Variants in MAGI3 observed in about 807,000 individuals in gnomAD.
MAGI3 encodes the protein membrane associated guanylate kinase, WW and PDZ domain containing 3.
A neutral mutation model predicts 121.8 loss-of-function variants in MAGI3; 43 were observed. That is an observed-to-expected ratio of 0.35 (90% confidence interval 0.28 to 0.46). MAGI3 has a LOEUF of 0.46. Among genes scored for constraint, MAGI3 ranks in the 20% least tolerant of loss-of-function variants. The pLI is 1.00. For synonymous variants in MAGI3, 553 were observed against 639.3 expected (o/e 0.86, Z 2.04); for missense variants, 1,547 against 1,797.3 (o/e 0.86, Z 2.52).
chr1:113,682,448 T>C, intron 20 of MAGI3: 1 of 1,378,750 alleles, frequency 7.3e-7, no homozygotes. Context: ...AAGAGAATTA[T>C]TACAAATGCC....
intron 1 of MAGI3, among the ~76,000 whole-genome samples, chr1:113,434,449 T>A (rs1261214183): frequency 6.6e-6 from 1 of 152,108 alleles, no homozygotes. Context: ...CTAGTTATAC[T>A]GCTCTATTTT....
At position 113,684,254 on chromosome 1, in the gene MAGI3, G is replaced by A. The variant is rs530832778; in HGVS notation, c.*240G>A. 4.0e-4 allele frequency: 144 copies of A among 358,670 alleles called. No individual in the cohort carries two copies. The highest frequency in any genetic ancestry group is 2.7e-3 in the African/African-American group (129 of 47,780). The allele number at this position is 358,670 out of a possible 1,614,324, so 22.2% of individuals were successfully genotyped here. A position where few individuals can be genotyped will look rare whatever the true frequency, so the allele number is the denominator to read the frequency against. Reference sequence around the variant, plus strand: ...CTGCATCCACATGCTCATCTGACCCGCCCTGCTCAGGCTGCCCAGCTCGTC... The same window carrying A: ...CTGCATCCACATGCTCATCTGACCCACCCTGCTCAGGCTGCCCAGCTCGTC... On this transcript the variant is annotated 3_prime_UTR_variant, in exon 21 of 21. Transcript: ENST00000307546.
chr1:113,482,510 T>C (rs1025106971), intron 1 of MAGI3, among the ~76,000 whole-genome samples: 1 of 152,116 alleles, frequency 6.6e-6, no homozygotes, highest in South Asian at 2.1e-4. Context: ...CTAATTTTTT[T>C]ATTTTTCATA....
chr1:113,392,389 GGC>G (rs1241686847), intron 1 of MAGI3, among the ~76,000 whole-genome samples: 1 of 152,138 alleles, frequency 6.6e-6, no homozygotes, highest in African/African-American at 2.4e-5. Context: ...TTGTTACCTG[GGC>G]TAGGTAGCAG....
rs748209096 is a variant in MAGI3, at chr1:113,614,603, C to T, written c.1021C>T (p.Leu341Phe). ...KAPEDCEDGE[L>F]PYGWEKIEDP... ...CACTCAATTTTCTTTATTTACAGAG[C>T]TTCCTTATGGCTGGGAGAAAATAGA... is the stretch of plus-strand genomic sequence containing the variant. The change falls in exon 7 of 21, where the codon CTT becomes TTT. Residue 341 changes from leucine (L) to phenylalanine (F), a missense_variant and splice_region_variant. Transcript: ENST00000307546. 4 of 1,608,060 alleles carry T rather than the reference C, an allele frequency of 2.5e-6. No individual in the cohort carries two copies. The highest frequency in any genetic ancestry group is 3.4e-6 in the Non-Finnish European group (4 of 1,175,932).
chr1:113,458,509 TTTA>T (rs1417272463), intron 1 of MAGI3, among the ~76,000 whole-genome samples: 4 of 152,108 alleles, frequency 2.6e-5, no homozygotes, highest in Non-Finnish European at 5.9e-5. Flanking sequence ...TTTTATGTTT[TTTA>T]CTTTTATATT....
chr1:113,431,554 T>C (rs1279926109), intron 1 of MAGI3, among the ~76,000 whole-genome samples: 1 of 152,110 alleles, frequency 6.6e-6, no homozygotes, highest in East Asian at 1.9e-4. Context: ...TATAAGGTAA[T>C]GATTAAAAAT....
At chr1:113,515,345 A>G (rs1016778132) in intron 1 of MAGI3, among the ~76,000 whole-genome samples, 5 of 152,070 alleles carry the variant, frequency 3.3e-5, no homozygotes, top group African/African-American at 1.2e-4. Flanking sequence ...CTTTGACTAA[A>G]GAGACTGAGA....
Position 113,642,303 on chromosome 1 carries a change from C to G in MAGI3, c.1753C>G (p.Pro585Ala). ...ELVTIPLIKG[P>A]KGFGFAIADS... Reference sequence around the variant, plus strand: ...AGTGACTATCCCTTTGATTAAGGGCCCTAAAGGGTTTGGGTTTGCAATTGC... The same window carrying G: ...AGTGACTATCCCTTTGATTAAGGGCGCTAAAGGGTTTGGGTTTGCAATTGC... The change falls in exon 10 of 21, where the codon CCT becomes GCT. Residue 585 changes from proline (P) to alanine (A), a missense_variant. Transcript: ENST00000307546. 6.2e-7 allele frequency: 1 copy of G among 1,613,850 alleles called. No individual in the cohort carries two copies. The highest frequency in any genetic ancestry group is 8.5e-7 in the Non-Finnish European group (1 of 1,179,974).
intron 2 of MAGI3, among the ~76,000 whole-genome samples, chr1:113,579,635 T>C (rs1647882006): frequency 2.0e-5 from 3 of 152,032 alleles, no homozygotes; most frequent in African/African-American, 7.2e-5. Flanking sequence ...TGGGAAGAAG[T>C]AAAGGTTGAC....
intron 1 of MAGI3, among the ~76,000 whole-genome samples, chr1:113,420,466 A>G (rs1466411776): frequency 6.6e-6 from 1 of 152,092 alleles, no homozygotes; most frequent in Non-Finnish European, 1.5e-5. Context: ...AATCAAACCT[A>G]CTTTTGTTTG....
chr1:113,405,248 G>A (rs1247333370), intron 1 of MAGI3, among the ~76,000 whole-genome samples: 4 of 152,122 alleles, frequency 2.6e-5, no homozygotes, highest in African/African-American at 4.8e-5. Flanking sequence ...GCCAAGGCAA[G>A]TGGATTGCTT....
intron 1 of MAGI3, among the ~76,000 whole-genome samples, chr1:113,443,619 TG>T (rs1557760095): frequency 6.6e-6 from 1 of 152,204 alleles, no homozygotes; most frequent in Non-Finnish European, 1.5e-5. Flanking sequence ...AATGGAATAT[TG>T]TGAGTAACTG....
At chr1:113,597,666 C>T (rs1158218359) in intron 6 of MAGI3, among the ~76,000 whole-genome samples, 2 of 152,182 alleles carry the variant, frequency 1.3e-5, no homozygotes, top group African/African-American at 4.8e-5. Context: ...TGACGCTCAG[C>T]AGAAACCTTA....
intron 2 of MAGI3, among the ~76,000 whole-genome samples, chr1:113,563,160 TA>T (rs1660308576): frequency 6.6e-6 from 1 of 152,198 alleles, no homozygotes; most frequent in South Asian, 2.1e-4. Context: ...GCCAAGTTGG[TA>T]TAACATTTGA....
In MAGI3 at chr1:113,651,209, G is replaced by T. The variant is rs371506996; in HGVS notation, c.2440+3G>T. On this transcript the variant is annotated splice_donor_region_variant and intron_variant, in intron 14 of 20. Transcript: ENST00000307546. ...CAGACGGAAGATCTTCTATGGAGGT[G>T]TGTGAACTTGTTCCTGCTCTGAAAA... The T allele has an allele frequency of 5.6e-6, 9 of 1,598,230 alleles. No homozygotes were observed. The highest frequency in any genetic ancestry group is 7.7e-6 in the Non-Finnish European group (9 of 1,174,204).
chr1:113,611,481 T>G (rs1396533339), intron 6 of MAGI3, among the ~76,000 whole-genome samples: 1 of 152,168 alleles, frequency 6.6e-6, no homozygotes, highest in Non-Finnish European at 1.5e-5. Flanking sequence ...CTTTCCTCCC[T>G]TCCCTTCCTC....
At chr1:113,629,763 C>CTCTCCCCCT (rs143631602) in intron 9 of MAGI3, among the ~76,000 whole-genome samples, 2 of 45,174 alleles carry the variant, frequency 4.4e-5, no homozygotes, top group Admixed American at 2.2e-4. Context: ...TCTCTCTCTC[C>CTCTCCCCCT]CTCCCTCCCT....
intron 13 of MAGI3, among the ~76,000 whole-genome samples, chr1:113,649,994 A>G (rs1452617849): frequency 2.0e-5 from 3 of 152,200 alleles, no homozygotes; most frequent in African/African-American, 4.8e-5. Flanking sequence ...ATAACAAAGA[A>G]GTAATGTGTT....
Sources: allele counts gnomAD v4.1 joint callset (sites outside exome capture counted in the v4.1 genomes callset), GRCh38; gene constraint gnomAD v4.1.1; transcripts MANE v1.5; gene names NCBI Gene and HGNC (gene_info 2026-07-23, HGNC 2026-07-21).